Variants in SCFD2 observed in about 807,000 individuals in gnomAD.
The protein encoded by SCFD2 is sec1 family domain containing 2.
In SCFD2, 54 loss-of-function variants were observed where a neutral mutation model predicts 58.9. The observed-to-expected ratio is 0.92, with a 90% CI of 0.74 to 1.15. The LOEUF (loss-of-function observed/expected upper bound fraction) is 1.15, where lower values mean the gene tolerates loss of function less well. SCFD2 is among the 50% of genes most tolerant of loss of function. SCFD2 has a pLI of 0.00. For synonymous variants in SCFD2, 321 were observed against 335.9 expected (o/e 0.96, Z 0.49); for missense variants, 805 against 836.6 (o/e 0.96, Z 0.47).
At chr4:53,220,066 C>T (rs1311564876) in intron 4 of SCFD2, among the ~76,000 whole-genome samples, 5 of 152,154 alleles carry the variant, frequency 3.3e-5, no homozygotes, top group Non-Finnish European at 7.3e-5. Context: ...TGGTTCACTC[C>T]CTCTCTTCAT....
intron 1 of SCFD2, among the ~76,000 whole-genome samples, chr4:53,357,022 T>C (rs1734421416): frequency 2.0e-5 from 3 of 152,200 alleles, no homozygotes; most frequent in African/African-American, 7.2e-5. Flanking sequence ...GTTTACTGTC[T>C]TCATTCCCAA....
intron 5 of SCFD2, among the ~76,000 whole-genome samples, chr4:53,106,232 A>C (rs1560338176): frequency 1.3e-5 from 2 of 152,200 alleles, no homozygotes; most frequent in Non-Finnish European, 2.9e-5. Flanking sequence ...AACATCAAAG[A>C]CCAAAGGTAG....
intron 7 of SCFD2, among the ~76,000 whole-genome samples, chr4:52,902,659 G>T (rs372491022): frequency 6.6e-6 from 1 of 152,110 alleles, no homozygotes; most frequent in East Asian, 1.9e-4. Flanking sequence ...TACTTACTAC[G>T]CGCCAGACAC....
At chr4:53,210,115 C>T (rs1728562955) in intron 4 of SCFD2, among the ~76,000 whole-genome samples, 1 of 152,030 alleles carries the variant, frequency 6.6e-6, no homozygotes, top group Admixed American at 6.6e-5. Context: ...TTTCATGATA[C>T]CTTGAGCCAA....
chr4:52,892,818 C>T (rs1479555013), intron 7 of SCFD2, among the ~76,000 whole-genome samples: 1 of 152,152 alleles, frequency 6.6e-6, no homozygotes, highest in African/African-American at 2.4e-5. Context: ...TCTATATCTT[C>T]CTTAACCGCA....
At chr4:53,111,383 GTTACAGAACT>G (rs1725169664) in intron 5 of SCFD2, among the ~76,000 whole-genome samples, 1 of 151,996 alleles carries the variant, frequency 6.6e-6, no homozygotes, top group South Asian at 2.1e-4. Context: ...AAGACGTACT[GTTACAGAACT>G]TTCTGGTACA....
intron 5 of SCFD2, among the ~76,000 whole-genome samples, chr4:52,974,075 C>G (rs1316731859): frequency 6.6e-6 from 1 of 152,034 alleles, no homozygotes; most frequent in Non-Finnish European, 1.5e-5. Flanking sequence ...ACTGAATAGG[C>G]AAAAACTGGA....
intron 2 of SCFD2, among the ~76,000 whole-genome samples, chr4:53,333,792 C>CT (rs1351293243): frequency 7.5e-6 from 1 of 134,018 alleles, no homozygotes; most frequent in Non-Finnish European, 1.6e-5. Flanking sequence ...GCAAAAGAAA[C>CT]TACCATCAGA....
chr4:53,096,440 G>C (rs1316427794), intron 5 of SCFD2, among the ~76,000 whole-genome samples: 1 of 152,174 alleles, frequency 6.6e-6, no homozygotes, highest in African/African-American at 2.4e-5. Flanking sequence ...TCTCATTGTG[G>C]TTTTGACTTG....
intron 6 of SCFD2, among the ~76,000 whole-genome samples, chr4:52,911,751 G>A (rs982017883): frequency 4.6e-5 from 7 of 152,266 alleles, no homozygotes; most frequent in African/African-American, 1.7e-4. Context: ...ATGAAAATGT[G>A]ATAGTTATCA....
chr4:53,147,600 C>G (rs991905272), intron 4 of SCFD2, among the ~76,000 whole-genome samples: 2 of 152,204 alleles, frequency 1.3e-5, no homozygotes, highest in Non-Finnish European at 2.9e-5. Context: ...TGTAAACACA[C>G]ACATGCTTCC....
At chr4:53,126,305 T>C (rs1725625688) in intron 5 of SCFD2, among the ~76,000 whole-genome samples, 1 of 152,098 alleles carries the variant, frequency 6.6e-6, no homozygotes, top group South Asian at 2.1e-4. Context: ...AAATGGCAGA[T>C]TGCGTTAAGT....
Position 53,061,220 on chromosome 4 carries a change from T to C in SCFD2, c.1561+84113A>G, listed in dbSNP as rs1723499855. Among the ~76,000 whole-genome samples, 3 of 152,286 alleles carry C rather than the reference T, an allele frequency of 2.0e-5. No individual in the cohort carries two copies. The South Asian group carries it at 6.2e-4, about 32-fold the overall frequency. ...AGTGAAGAAAATGCAAGATTGAACT[T>C]ATATTTTGGCATGGCAAATACTAAT... On this transcript the variant is annotated intron_variant, in intron 5 of 8. Coordinates refer to ENST00000401642, the MANE Select transcript of SCFD2 (RefSeq NM_152540.4).
intron 4 of SCFD2, among the ~76,000 whole-genome samples, chr4:53,257,323 T>A (rs558066546): frequency 1.3e-5 from 2 of 152,118 alleles, no homozygotes; most frequent in African/African-American, 4.8e-5. Context: ...GTCAGTTCAA[T>A]GTGAAGAAGA....
intron 2 of SCFD2, among the ~76,000 whole-genome samples, chr4:53,321,721 A>G (rs1294261750): frequency 6.6e-6 from 1 of 152,176 alleles, no homozygotes. Flanking sequence ...TTCAATAGTC[A>G]TCTTTCCTCT....
At chr4:52,951,515 C>T (rs376160837) in intron 5 of SCFD2, among the ~76,000 whole-genome samples, 5 of 152,140 alleles carry the variant, frequency 3.3e-5, no homozygotes, top group African/African-American at 9.7e-5. Context: ...AAGCTGTAAT[C>T]GACTCAATTA....
At chr4:53,264,697 C>T (rs572111855) in intron 4 of SCFD2, among the ~76,000 whole-genome samples, 20 of 152,304 alleles carry the variant, frequency 1.3e-4, no homozygotes, top group African/African-American at 4.1e-4. Context: ...CACTAGAGGA[C>T]TTAGAAAGTA....
intron 4 of SCFD2, among the ~76,000 whole-genome samples, chr4:53,151,690 C>T (rs1192356273): frequency 6.6e-6 from 1 of 152,202 alleles, no homozygotes; most frequent in Non-Finnish European, 1.5e-5. Flanking sequence ...GCTGGAGAAC[C>T]CATCTCTGCA....
intron 2 of SCFD2, among the ~76,000 whole-genome samples, chr4:53,323,530 ATTT>A (rs1201482656): frequency 3.7e-5 from 4 of 106,754 alleles, no homozygotes; most frequent in Admixed American, 2.1e-4. Context: ...TGCCCAGCTA[ATTT>A]TTTTTTTTTT....
Sources: gnomAD v4.1 joint callset for allele counts (sites outside exome capture counted in the v4.1 genomes callset) on GRCh38, gnomAD v4.1.1 for gene constraint, MANE v1.5 for transcripts, NCBI Gene and HGNC (gene_info 2026-07-23, HGNC 2026-07-21) for gene names.